PDE4B: variants seen among roughly 807,000 people sequenced by gnomAD.
PDE4B encodes the protein 3',5'-cyclic-AMP phosphodiesterase 4B.
Under a neutral mutation model 82.2 loss-of-function variants are expected in PDE4B, and 20 were observed. The observed-to-expected ratio is 0.24, with a 90% CI of 0.17 to 0.35. The LOEUF (loss-of-function observed/expected upper bound fraction) is 0.35, where lower values mean the gene tolerates loss of function less well. PDE4B is among the 10% of genes least tolerant of loss of function. PDE4B has a pLI of 1.00. For synonymous variants in PDE4B, 320 were observed against 318.9 expected, an observed-to-expected ratio of 1.00 and a Z score of -0.04; for missense variants, 655 against 907.2, an observed-to-expected ratio of 0.72 and a Z score of 3.57.
intron 3 of PDE4B, among the ~76,000 whole-genome samples, chr1:66,038,392 G>T (rs1389639640): frequency 6.6e-6 from 1 of 152,120 alleles, no homozygotes; most frequent in Non-Finnish European, 1.5e-5. Flanking sequence ...GTTATGCAGA[G>T]TGTAGAATCA....
At position 66,367,784 on chromosome 1, in the gene PDE4B, C is replaced by T. The variant is rs899422967; in HGVS notation, c.1473C>T (p.His491=). 1.9e-6 allele frequency: 3 copies of T among 1,613,834 alleles called. No homozygotes were observed. Among genetic ancestry groups the T allele is most frequent in the Non-Finnish European group, 2.5e-6 (3 of 1,179,772 alleles). The change falls in exon 14 of 17, where the codon CAC becomes CAT. Residue 491 remains histidine (H), a synonymous_variant. Transcript: ENST00000341517. ...AVGFKLLQEE[H]CDIFMNLTKK... The stretch of plus-strand genomic sequence containing the variant: ...GTTTCAAACTGCTGCAAGAAGAACA[C>T]TGTGACATCTTCATGAATCTCACCA...
intron 3 of PDE4B, among the ~76,000 whole-genome samples, chr1:66,096,052 T>G (rs2455026): frequency 0.85 from 128,699 of 151,576 alleles, 55,033 homozygotes; most frequent in East Asian, 0.92. Flanking sequence ...CTTCTAGCTA[T>G]TTGAAACTGT....
chr1:65,824,012 C>T (rs1420398252), intron 1 of PDE4B, among the ~76,000 whole-genome samples: 1 of 152,062 alleles, frequency 6.6e-6, no homozygotes, highest in African/African-American at 2.4e-5. Context: ...TTGTCTTTGC[C>T]AGGTAGCAAA....
At chr1:66,217,654 T>C (rs1650571537) in intron 3 of PDE4B, among the ~76,000 whole-genome samples, 1 of 152,158 alleles carries the variant, frequency 6.6e-6, no homozygotes, top group African/African-American at 2.4e-5. Context: ...GTTTTGCATA[T>C]TTGTATGATT....
intron 7 of PDE4B, among the ~76,000 whole-genome samples, chr1:66,309,940 T>A (rs1658549948): frequency 6.6e-6 from 1 of 152,128 alleles, no homozygotes; most frequent in South Asian, 2.1e-4. Context: ...GGGTAGTACC[T>A]GCCAGGCTCT....
chr1:66,090,612 A>G lies in PDE4B; in HGVS notation c.282-156848A>G, dbSNP rs1305820332. Among the ~76,000 whole-genome samples the G allele has an allele frequency of 5.5e-3, 64 of 11,678 alleles. 2 individuals are homozygous for G. Among genetic ancestry groups the G allele is most frequent in the East Asian group, 0.042 (55 of 1,304 alleles). 7.7% of individuals were successfully genotyped at this position (11,678 alleles called of 152,430 possible). On this transcript the variant is annotated intron_variant, in intron 3 of 16. Transcript: ENST00000341517. ...ATGACAAAATTATATATATATATGT[A>G]TATAATATATGTGTGTGTGTGTGTG...
At chr1:65,870,495 GT>G (rs901191009) in intron 1 of PDE4B, among the ~76,000 whole-genome samples, 1 of 152,028 alleles carries the variant, frequency 6.6e-6, no homozygotes, top group East Asian at 1.9e-4. Context: ...AATTATTGAG[GT>G]TTTTTTGAGG....
intron 3 of PDE4B, among the ~76,000 whole-genome samples, chr1:65,955,369 AG>A (rs1649202732): frequency 6.6e-6 from 1 of 152,102 alleles, no homozygotes; most frequent in Non-Finnish European, 1.5e-5. Flanking sequence ...TGCAGTTCTG[AG>A]GGAACCCTTT....
chr1:66,306,428 A>T (rs1341214008), intron 7 of PDE4B, among the ~76,000 whole-genome samples: 1 of 152,144 alleles, frequency 6.6e-6, no homozygotes, highest in Non-Finnish European at 1.5e-5. Flanking sequence ...TTATAATAAG[A>T]CAAAAGGAAA....
chr1:65,899,963 T>C (rs763544192), intron 1 of PDE4B, among the ~76,000 whole-genome samples: 4 of 151,890 alleles, frequency 2.6e-5, no homozygotes, highest in Non-Finnish European at 5.9e-5. Flanking sequence ...CACCAAAATC[T>C]CACAAATCAC....
chr1:65,896,190 T>C (rs188769002), intron 1 of PDE4B, among the ~76,000 whole-genome samples: 222 of 152,190 alleles, frequency 1.5e-3, no homozygotes, highest in Non-Finnish European at 1.6e-3. Context: ...AGAGGTTTAA[T>C]TGGCTCACAG....
chr1:65,822,633 A>G (rs528612541), intron 1 of PDE4B, among the ~76,000 whole-genome samples: 52 of 152,266 alleles, frequency 3.4e-4, no homozygotes, highest in Non-Finnish European at 6.9e-4. Context: ...GCCGTCATGA[A>G]TGAGATTAAT....
At chr1:66,143,287 G>A (rs999438991) in intron 3 of PDE4B, among the ~76,000 whole-genome samples, 1 of 152,218 alleles carries the variant, frequency 6.6e-6, no homozygotes, top group Admixed American at 6.5e-5. Flanking sequence ...TTAGCCAGGG[G>A]AAGTAAGGAT....
intron 3 of PDE4B, among the ~76,000 whole-genome samples, chr1:65,997,537 A>G (rs553090838): frequency 6.6e-6 from 1 of 152,324 alleles, no homozygotes; most frequent in South Asian, 2.1e-4. Context: ...TGCTTGCTGT[A>G]TTATACAACT....
intron 1 of PDE4B, among the ~76,000 whole-genome samples, chr1:65,845,646 A>G (rs1646259495): frequency 6.6e-6 from 1 of 152,256 alleles, no homozygotes; most frequent in Middle Eastern, 3.4e-3. Context: ...CATATTGATG[A>G]TGCTGAACAG....
intron 1 of PDE4B, among the ~76,000 whole-genome samples, chr1:65,875,046 A>G (rs1646622698): frequency 6.6e-6 from 1 of 150,624 alleles, no homozygotes; most frequent in Admixed American, 6.6e-5. Flanking sequence ...TTCGCAACCT[A>G]CTCATCTGAC....
chr1:66,064,614 T>C (rs1655748070), intron 3 of PDE4B, among the ~76,000 whole-genome samples: 1 of 151,940 alleles, frequency 6.6e-6, no homozygotes, highest in South Asian at 2.1e-4. Context: ...GAGTTCTCAT[T>C]GACTCTTTTC....
At chr1:66,353,649 A>G (rs1265882796) in intron 8 of PDE4B, among the ~76,000 whole-genome samples, 1 of 152,176 alleles carries the variant, frequency 6.6e-6, no homozygotes, top group Non-Finnish European at 1.5e-5. Context: ...ATCCCACTGC[A>G]GTAAAGCTCT....
chr1:66,314,829 T>A (rs1053474645), intron 7 of PDE4B, among the ~76,000 whole-genome samples: 2 of 152,242 alleles, frequency 1.3e-5, no homozygotes, highest in African/African-American at 4.8e-5. Flanking sequence ...GTAATTCAGC[T>A]TAATTCAGTG....
Sources: gnomAD v4.1 joint callset for allele counts (sites outside exome capture counted in the v4.1 genomes callset) on GRCh38, gnomAD v4.1.1 for gene constraint, MANE v1.5 for transcripts, NCBI Gene and HGNC (gene_info 2026-07-23, HGNC 2026-07-21) for gene names.